Variants in METTL15 observed in about 807,000 individuals in gnomAD.
METTL15 encodes the protein methyltransferase 15, mitochondrial 12S rRNA N4-cytidine, also known as 12S rRNA N(4)-cytidine methyltransferase METTL15.
In METTL15, 34 loss-of-function variants were observed where a neutral mutation model predicts 38.3. The ratio of observed to expected loss-of-function variants is 0.89; its 90% confidence interval spans 0.68 to 1.18. The LOEUF (loss-of-function observed/expected upper bound fraction) is 1.18. Ranked by LOEUF, METTL15 falls within the 50% of genes most tolerant of loss-of-function variation. The probability of loss-of-function intolerance (pLI) is 0.00; values close to 1 mark genes in which losing one functional copy is unlikely to be tolerated. For synonymous variants in METTL15, 162 were observed against 170.9 expected, an observed-to-expected ratio of 0.95 and a Z score of 0.41; for missense variants, 438 against 498.4, an observed-to-expected ratio of 0.88 and a Z score of 1.15.
intron 4 of METTL15, among the ~76,000 whole-genome samples, chr11:28,231,988 A>T (rs936807437): frequency 2.0e-5 from 3 of 151,922 alleles, no homozygotes; most frequent in Admixed American, 2.0e-4. Flanking sequence ...TGAATGGATG[A>T]TGATTTTTTC....
In METTL15 at chr11:28,113,573, T is replaced by G. The variant is rs937295130; in HGVS notation, c.239T>G (p.Val80Gly). ...KLHIPVMVDE[V>G]VHCLSPQKGQ... ...CATATTCCAGTAATGGTGGATGAAGTTGTTCATTGTTTGTCACCACAAAAA... is the reference window on the plus strand; with the variant it reads ...CATATTCCAGTAATGGTGGATGAAGGTGTTCATTGTTTGTCACCACAAAAA... Residue 80 changes from valine to glycine, a missense_variant, in exon 3 of 7, where the codon GTT becomes GGT. Transcript: ENST00000407364. The G allele has an allele frequency of 3.1e-6, 5 of 1,611,318 alleles. No individual in the cohort carries two copies. The highest frequency in any genetic ancestry group is 1.3e-5 in the African/African-American group (1 of 74,720).
chr11:28,219,686 T>C (rs1382871737), intron 4 of METTL15, among the ~76,000 whole-genome samples: 1 of 152,204 alleles, frequency 6.6e-6, no homozygotes, highest in East Asian at 1.9e-4. Context: ...CTGCTTTCTC[T>C]TGTGGGCATT....
At chr11:28,157,675 A>G (rs1850309646) in intron 3 of METTL15, among the ~76,000 whole-genome samples, 1 of 152,150 alleles carries the variant, frequency 6.6e-6, no homozygotes, top group Admixed American at 6.5e-5. Context: ...GGAGCATTCC[A>G]TCATCAAATG....
At chr11:28,176,359 T>C (rs1447341091) in intron 3 of METTL15, among the ~76,000 whole-genome samples, 1 of 152,122 alleles carries the variant, frequency 6.6e-6, no homozygotes, top group Non-Finnish European at 1.5e-5. Flanking sequence ...GTTTTAAATG[T>C]CTTTTTCTCT....
chr11:28,430,242 CCGCCAGG>C, intron 6 of METTL15, among the ~76,000 whole-genome samples: 1 of 150,066 alleles, frequency 6.7e-6, no homozygotes, highest in African/African-American at 2.4e-5. Flanking sequence ...GGTCAGCCCC[CCGCCAGG>C]CCAGCCGCCC....
intron 5 of METTL15, among the ~76,000 whole-genome samples, chr11:28,374,984 A>G (rs1419694726): frequency 6.6e-6 from 1 of 151,534 alleles, no homozygotes; most frequent in Admixed American, 6.6e-5. Flanking sequence ...ATTTGCATAT[A>G]TTGAACCAGC....
intron 3 of METTL15, chr11:28,134,568 G>A (rs1849452407): frequency 5.0e-6 from 2 of 398,526 alleles, no homozygotes; most frequent in Non-Finnish European, 8.8e-6. Flanking sequence ...CGAAAAAGTG[G>A]ACGAAGACCT....
At chr11:28,206,455 C>G (rs1378375783) in intron 3 of METTL15, among the ~76,000 whole-genome samples, 1 of 151,960 alleles carries the variant, frequency 6.6e-6, no homozygotes, top group Non-Finnish European at 1.5e-5. Flanking sequence ...CTGTTCTGTT[C>G]CATTGGTCTA....
chr11:28,423,043 A>G (rs1850834492), intron 5 of METTL15, among the ~76,000 whole-genome samples: 1 of 152,038 alleles, frequency 6.6e-6, no homozygotes, highest in African/African-American at 2.4e-5. Flanking sequence ...GGCAGAAGAT[A>G]TGAATAGACA....
intron 4 of METTL15, among the ~76,000 whole-genome samples, chr11:28,220,947 C>T (rs1853181809): frequency 6.6e-6 from 1 of 152,196 alleles, no homozygotes; most frequent in East Asian, 1.9e-4. Flanking sequence ...GTCTGATGGG[C>T]TTCCCTTTGT....
intron 6 of METTL15, among the ~76,000 whole-genome samples, chr11:28,304,291 C>A (rs576695738): frequency 7.2e-5 from 11 of 152,144 alleles, no homozygotes; most frequent in Non-Finnish European, 1.6e-4. Flanking sequence ...TTTTTCTGCA[C>A]TGGGACATGT....
intron 3 of METTL15, among the ~76,000 whole-genome samples, chr11:28,187,167 A>C (rs1384341888): frequency 6.6e-6 from 1 of 151,252 alleles, no homozygotes; most frequent in Non-Finnish European, 1.5e-5. Flanking sequence ...AAATTAACTA[A>C]ATTTATCCAG....
intron 3 of METTL15, among the ~76,000 whole-genome samples, chr11:28,195,568 C>G (rs1203640894): frequency 6.6e-6 from 1 of 151,812 alleles, no homozygotes; most frequent in Non-Finnish European, 1.5e-5. Context: ...TTGTTTTCTT[C>G]TTGCTCATTT....
intron 6 of METTL15, among the ~76,000 whole-genome samples, chr11:28,443,093 T>C (rs920889985): frequency 1.3e-5 from 2 of 152,202 alleles, no homozygotes; most frequent in African/African-American, 4.8e-5. Flanking sequence ...TGACATCACT[T>C]TTCTGTCTCC....
chr11:28,479,304 A>G (rs1851375166), intron 6 of METTL15, among the ~76,000 whole-genome samples: 2 of 152,158 alleles, frequency 1.3e-5, no homozygotes, highest in Admixed American at 6.6e-5. Context: ...TCAGTCCACA[A>G]ATGTTTTGTA....
At position 28,324,241 on chromosome 11, in the gene METTL15, T is replaced by C. The variant is rs117583489; in HGVS notation, c.779-6155T>C. Among the ~76,000 whole-genome samples, 47 of 152,336 alleles carry C rather than the reference T, an allele frequency of 3.1e-4. No homozygotes were observed. In the East Asian group the frequency reaches 8.7e-3, roughly 28 times the overall value. On this transcript the variant is annotated intron_variant, in intron 6 of 6. Transcript: ENST00000407364. ...AGTTTACATGAAATCTTAACAATATTGTGCATTAATCTTTGGGGAAAAACT... is the reference window on the plus strand; with the variant it reads ...AGTTTACATGAAATCTTAACAATATCGTGCATTAATCTTTGGGGAAAAACT...
intron 6 of METTL15, among the ~76,000 whole-genome samples, chr11:28,490,982 T>A (rs1851489682): frequency 6.6e-6 from 1 of 152,194 alleles, no homozygotes; most frequent in Non-Finnish European, 1.5e-5. Context: ...ACTGTCTAAG[T>A]TTAGCAAAAG....
At chr11:28,431,970 A>C (rs537852942) in intron 6 of METTL15, among the ~76,000 whole-genome samples, 1 of 152,098 alleles carries the variant, frequency 6.6e-6, no homozygotes, top group East Asian at 1.9e-4. Context: ...AGGATTCTCA[A>C]CTCTCTCCCA....
chr11:28,111,610 G>C (rs1023551147), intron 2 of METTL15, among the ~76,000 whole-genome samples: 1 of 152,176 alleles, frequency 6.6e-6, no homozygotes, highest in African/African-American at 2.4e-5. Context: ...TGGAGATTGA[G>C]TTCAGGCTCT....
Sources: allele counts gnomAD v4.1 joint callset (sites outside exome capture counted in the v4.1 genomes callset), GRCh38; gene constraint gnomAD v4.1.1; transcripts MANE v1.5; gene names NCBI Gene and HGNC (gene_info 2026-07-23, HGNC 2026-07-21).